The following RNF130 variants were observed in gnomAD, a reference collection of about 807,000 sequenced individuals.
The protein encoded by RNF130 is E3 ubiquitin-protein ligase RNF130.
In RNF130, 21 loss-of-function variants were observed where a neutral mutation model predicts 44.6. The observed-to-expected ratio is 0.47, with a 90% CI of 0.33 to 0.68. RNF130 has a LOEUF of 0.68. Ranked by LOEUF, RNF130 falls within the 30% of genes least tolerant of loss-of-function variation. RNF130 has a pLI of 0.02. For missense variants in RNF130, 479 were observed against 560.6 expected (o/e 0.85, Z 1.47); for synonymous variants, 214 against 210.4 (o/e 1.02, Z -0.15).
chr5:179,975,290 C>T (rs1465593417), intron 5 of RNF130, among the ~76,000 whole-genome samples: 2 of 152,204 alleles, frequency 1.3e-5, no homozygotes, highest in Non-Finnish European at 2.9e-5. Context: ...CTTGAAGAGC[C>T]GCGCACAGCC....
At position 180,060,134 on chromosome 5, in the gene RNF130, T is replaced by C. The variant is rs138160789; in HGVS notation, c.247+11322A>G. Reference sequence around the variant, plus strand: ...AAAAAGGCAAGGAAATGATTCCCCCTGAGAGCTCCAAAGCCACGCAGTCTT... The same window carrying C: ...AAAAAGGCAAGGAAATGATTCCCCCCGAGAGCTCCAAAGCCACGCAGTCTT... On this transcript the variant is annotated intron_variant, in intron 1 of 8. Transcript: ENST00000521389. Among the ~76,000 whole-genome samples, 139 of 152,324 alleles carry C rather than the reference T, an allele frequency of 9.1e-4. 2 individuals are homozygous for C. Among genetic ancestry groups the C allele is most frequent in the African/African-American group, 2.9e-3 (121 of 41,580 alleles).
At position 179,978,165 on chromosome 5, in the gene RNF130, T is replaced by C. The variant is rs753996623; in HGVS notation, c.848+38A>G. 3 of 1,527,488 alleles carry C rather than the reference T, an allele frequency of 2.0e-6. No individual in the cohort carries two copies. In the East Asian group the frequency reaches 6.7e-5, roughly 34 times the overall value. 94.6% of individuals were successfully genotyped at this position (1,527,488 alleles called of 1,614,324 possible). A position where few individuals can be genotyped will look rare whatever the true frequency, so the allele number is the denominator to read the frequency against. On this transcript the variant is annotated intron_variant, in intron 5 of 8. Coordinates refer to ENST00000521389, the MANE Select transcript of RNF130 (RefSeq NM_018434.6). Reference sequence around the variant, plus strand: ...TGAAAAGGAGGCATACAAAGCACATTAATATCATTCTTTCTCAAACAAATG... The same window carrying C: ...TGAAAAGGAGGCATACAAAGCACATCAATATCATTCTTTCTCAAACAAATG...
chr5:180,003,509 G>C (rs529496523), intron 3 of RNF130, among the ~76,000 whole-genome samples: 1 of 152,188 alleles, frequency 6.6e-6, no homozygotes, highest in Non-Finnish European at 1.5e-5. Flanking sequence ...TACCTTCACT[G>C]TAATTTTTCT....
intron 1 of RNF130, among the ~76,000 whole-genome samples, chr5:180,057,893 T>C (rs1764872585): frequency 6.6e-6 from 1 of 152,196 alleles, no homozygotes; most frequent in African/African-American, 2.4e-5. Context: ...TGGGTACCCT[T>C]TGTCCCACTA....
chr5:179,979,589 A>G (rs1338797473), intron 4 of RNF130, among the ~76,000 whole-genome samples: 4 of 152,100 alleles, frequency 2.6e-5, no homozygotes, highest in Admixed American at 6.6e-5. Flanking sequence ...CTAGCGGAGA[A>G]GCAGGGCTCT....
At position 179,966,987 on chromosome 5, in the gene RNF130, G is replaced by A. The variant is rs368156443; in HGVS notation, c.969C>T (p.Asn323=). The change falls in exon 7 of 9, where the codon AAC becomes AAT. Residue 323 remains asparagine (N), a synonymous_variant. Coordinates refer to ENST00000521389, the MANE Select transcript of RNF130 (RefSeq NM_018434.6). ...TGAGCCTTTCCATATCGAATGCTAC[G>A]TTATCAGTACATGGCAAATTCGGCT... ...GIVPNLPCTD[N]VAFDMERLTR... 1.1e-5 allele frequency: 17 copies of A among 1,613,988 alleles called. No individual in the cohort carries two copies. The highest frequency in any genetic ancestry group is 1.6e-4 in the Middle Eastern group (1 of 6,084).
intron 1 of RNF130, among the ~76,000 whole-genome samples, chr5:180,068,461 T>C (rs1191170593): frequency 1.3e-5 from 2 of 152,248 alleles, no homozygotes; most frequent in Non-Finnish European, 2.9e-5. Flanking sequence ...TGCATTCGAC[T>C]TAATGACAAA....
chr5:179,997,432 T>G (rs1763228860), intron 3 of RNF130, among the ~76,000 whole-genome samples: 1 of 152,190 alleles, frequency 6.6e-6, no homozygotes, highest in Non-Finnish European at 1.5e-5. Context: ...CAAGCCATTC[T>G]CCTGCCTCAG....
At chr5:179,983,895 C>T (rs1185449796) in intron 3 of RNF130, among the ~76,000 whole-genome samples, 1 of 152,230 alleles carries the variant, frequency 6.6e-6, no homozygotes, top group East Asian at 1.9e-4. Flanking sequence ...TTTGTTGATG[C>T]TATGGAAAAT....
chr5:180,003,509 G>T (rs529496523), intron 3 of RNF130, among the ~76,000 whole-genome samples: 1 of 152,188 alleles, frequency 6.6e-6, no homozygotes, highest in Non-Finnish European at 1.5e-5. Flanking sequence ...TACCTTCACT[G>T]TAATTTTTCT....
intron 7 of RNF130, among the ~76,000 whole-genome samples, chr5:179,922,532 C>T (rs866847152): frequency 6.6e-6 from 1 of 151,178 alleles, no homozygotes. Flanking sequence ...AGGCTGGTCT[C>T]GAACTCCTGA....
intron 3 of RNF130, among the ~76,000 whole-genome samples, chr5:180,002,080 G>A (rs1763358013): frequency 6.6e-6 from 1 of 152,232 alleles, no homozygotes; most frequent in African/African-American, 2.4e-5. Flanking sequence ...CCATTTCCCT[G>A]TGATGCTGGG....
At position 179,978,389 on chromosome 5, in the gene RNF130, G is replaced by A. The variant is rs908768971; in HGVS notation, c.766-104C>T. ...TTTCTGTGGCTACTATGGTAAGCAA[G>A]TGTTATAAACTGAAAAATGATTAAA... On this transcript the variant is annotated intron_variant, in intron 4 of 8. Transcript: ENST00000521389. 33 of 764,800 alleles carry A rather than the reference G, an allele frequency of 4.3e-5. 1 individual carries two copies. Among genetic ancestry groups the A allele is most frequent in the South Asian group, 1.7e-4 (11 of 63,020 alleles). The allele number at this position is 764,800 out of a possible 1,614,324, so 47.4% of individuals were successfully genotyped here.
chr5:180,029,151 T>C (rs554571739), intron 2 of RNF130, among the ~76,000 whole-genome samples: 161 of 152,356 alleles, frequency 1.1e-3, no homozygotes, highest in African/African-American at 3.8e-3. Flanking sequence ...AGAGGTACTA[T>C]ATCATCCAAC....
chr5:179,930,814 G>A (rs1335834798), intron 7 of RNF130, among the ~76,000 whole-genome samples: 22 of 151,974 alleles, frequency 1.4e-4, no homozygotes, highest in Admixed American at 1.4e-3. Flanking sequence ...CAAGGTGGGT[G>A]GATCACTTGA....
At chr5:180,065,199 T>C (rs1210301577) in intron 1 of RNF130, among the ~76,000 whole-genome samples, 1 of 152,038 alleles carries the variant, frequency 6.6e-6, no homozygotes, top group African/African-American at 2.4e-5. Flanking sequence ...AAGGTACAAC[T>C]TTTCCCCCTG....
At chr5:179,938,723 A>G (rs1217274917) in intron 7 of RNF130, among the ~76,000 whole-genome samples, 1 of 152,220 alleles carries the variant, frequency 6.6e-6, no homozygotes, top group Non-Finnish European at 1.5e-5. Context: ...TTTATATTAA[A>G]CCAGAAATAT....
chr5:179,933,221 C>A (rs1251774245), intron 7 of RNF130, among the ~76,000 whole-genome samples: 1 of 152,168 alleles, frequency 6.6e-6, no homozygotes, highest in Non-Finnish European at 1.5e-5. Flanking sequence ...CCAATGAAAT[C>A]ATCTAGGCCC....
intron 3 of RNF130, among the ~76,000 whole-genome samples, chr5:180,003,214 G>A (rs1763386930): frequency 6.6e-6 from 1 of 152,058 alleles, no homozygotes; most frequent in Non-Finnish European, 1.5e-5. Context: ...TGACATGGAG[G>A]CACGAAGAGG....
Sources: gnomAD v4.1 joint callset for allele counts (sites outside exome capture counted in the v4.1 genomes callset) on GRCh38, gnomAD v4.1.1 for gene constraint, MANE v1.5 for transcripts, NCBI Gene and HGNC (gene_info 2026-07-23, HGNC 2026-07-21) for gene names.